PLXNA4: variants seen among roughly 807,000 people sequenced by gnomAD.
PLXNA4 encodes the protein plexin-A4.
A neutral mutation model predicts 191.8 loss-of-function variants in PLXNA4; 44 were observed. That is an observed-to-expected ratio of 0.23 (90% confidence interval 0.18 to 0.29). PLXNA4 has a LOEUF of 0.29. Ranked by LOEUF, PLXNA4 falls within the 10% of genes least tolerant of loss-of-function variation. The pLI, the probability that PLXNA4 is intolerant of heterozygous loss-of-function variation, is 1.00. For synonymous variants in PLXNA4, 1,082 were observed against 1,009.5 expected (o/e 1.07, Z -1.36); for missense variants, 1,800 against 2,488.8 (o/e 0.72, Z 5.89).
intron 9 of PLXNA4, 93 bp downstream of exon 9, chr7:132,223,434 T>C: frequency 9.0e-7 from 1 of 1,110,962 alleles, no homozygotes; most frequent in Non-Finnish European, 1.3e-6. Context: ...CTGCACAGTT[T>C]TCCTTTGGTT....
intron 14 of PLXNA4, among the ~76,000 whole-genome samples, chr7:132,192,706 C>T (rs374264571): frequency 6.6e-6 from 1 of 152,234 alleles, no homozygotes; most frequent in East Asian, 1.9e-4. Context: ...GAAATTATAC[C>T]ATTACAGCTG....
intron 25 of PLXNA4, 31 bp downstream of exon 25, chr7:132,159,442 A>G (rs1795884043): frequency 6.2e-7 from 1 of 1,611,220 alleles, no homozygotes; most frequent in East Asian, 2.2e-5. Context: ...AGCAGCCACA[A>G]GGACAGCCCC....
At chr7:132,592,807 A>G (rs991504725) in intron 2 of PLXNA4, among the ~76,000 whole-genome samples, 8 of 152,050 alleles carry the variant, frequency 5.3e-5, no homozygotes, top group Non-Finnish European at 2.9e-5. Flanking sequence ...AAGCAAGGCT[A>G]AGGCAGTTAA....
intron 30 of PLXNA4, among the ~76,000 whole-genome samples, chr7:132,133,770 T>C (rs1237491480): frequency 6.6e-6 from 1 of 152,124 alleles, no homozygotes; most frequent in Non-Finnish European, 1.5e-5. Flanking sequence ...ATTTTTAATT[T>C]CTGCAATTTG....
chr7:132,228,827 T>G (rs1281612933), intron 5 of PLXNA4, among the ~76,000 whole-genome samples: 1 of 152,234 alleles, frequency 6.6e-6, no homozygotes, highest in Non-Finnish European at 1.5e-5. Flanking sequence ...ATTTGTTTTC[T>G]TCATATAGAA....
intron 3 of PLXNA4, among the ~76,000 whole-genome samples, chr7:132,336,745 C>T (rs938086077): frequency 3.3e-5 from 5 of 152,252 alleles, no homozygotes; most frequent in Non-Finnish European, 7.3e-5. Flanking sequence ...GCTCTCTTCA[C>T]CAAAACATCT....
rs117467948 is a variant in PLXNA4, at chr7:132,548,612, G to A, written c.-87+27810C>T. Among the ~76,000 whole-genome samples, 25 of 152,296 alleles carry A rather than the reference G, an allele frequency of 1.6e-4. No individual in the cohort carries two copies. In the South Asian group the frequency reaches 2.1e-3, roughly 13 times the overall value. ...CTAAACATTCCAATAAATACCCAAC[G>A]TAGCTTTTAAACCTTAATCTGTTAT... On this transcript the variant is annotated intron_variant, in intron 1 of 31. Coordinates refer to ENST00000321063, the MANE Select transcript of PLXNA4 (RefSeq NM_020911.2).
intron 1 of PLXNA4, among the ~76,000 whole-genome samples, chr7:132,646,906 C>T (rs564944241): frequency 1.3e-5 from 2 of 152,194 alleles, no homozygotes; most frequent in South Asian, 2.1e-4. Flanking sequence ...TGCATTCACA[C>T]GTACACCAAC....
intron 1 of PLXNA4, among the ~76,000 whole-genome samples, chr7:132,518,540 A>G (rs1398187789): frequency 1.3e-5 from 2 of 152,188 alleles, no homozygotes; most frequent in East Asian, 3.9e-4. Flanking sequence ...AGAAAAGTAT[A>G]AAAGATGGGG....
At chr7:132,443,883 T>G (rs976901013) in intron 3 of PLXNA4, among the ~76,000 whole-genome samples, 1 of 152,168 alleles carries the variant, frequency 6.6e-6, no homozygotes, top group Admixed American at 6.5e-5. Context: ...AATAGACCAA[T>G]CCCATCAGTG....
intron 1 of PLXNA4, among the ~76,000 whole-genome samples, chr7:132,522,999 G>A (rs1201876707): frequency 3.3e-5 from 5 of 152,022 alleles, no homozygotes; most frequent in Admixed American, 1.3e-4. Flanking sequence ...GCAAGCTCTC[G>A]GGGGCCAAGG....
chr7:132,201,856 AATG>A (rs1225184355), intron 12 of PLXNA4, among the ~76,000 whole-genome samples: 2 of 152,178 alleles, frequency 1.3e-5, no homozygotes, highest in South Asian at 4.1e-4. Flanking sequence ...TGATTTTACC[AATG>A]ATGATGAGTG....
chr7:132,343,029 C>T (rs1430200365), intron 3 of PLXNA4, among the ~76,000 whole-genome samples: 1 of 151,364 alleles, frequency 6.6e-6, no homozygotes, highest in Non-Finnish European at 1.5e-5. Context: ...GGCAGAAGTC[C>T]CTTTCCAAGA....
intron 3 of PLXNA4, among the ~76,000 whole-genome samples, chr7:132,464,786 C>T (rs1796638201): frequency 6.6e-6 from 1 of 152,176 alleles, no homozygotes. Context: ...GTGGTGTAGG[C>T]ATTCTATGGC....
intron 5 of PLXNA4, among the ~76,000 whole-genome samples, chr7:132,229,717 G>T (rs937227367): frequency 2.6e-5 from 4 of 152,114 alleles, no homozygotes; most frequent in African/African-American, 7.2e-5. Context: ...GAACAGCCAG[G>T]GATAGGGAAT....
In PLXNA4 at chr7:132,226,196, G is replaced by A; in HGVS notation, c.1947C>T (p.Thr649=). The change falls in exon 8 of 32, where the codon ACC becomes ACT. Residue 649 remains threonine, a synonymous_variant. Transcript: ENST00000321063. The part of the protein sequence containing the change: ...SKETGMTFAS[T]SFVFYNCSVH... ...CGCTGCAATTGTAGAAGACAAAGCT[G>A]GTGCTGGCGAAGGTCATGCCGGTCT... The A allele has an allele frequency of 6.2e-7, 1 of 1,613,966 alleles. No homozygotes were observed. Among genetic ancestry groups the A allele is most frequent in the Non-Finnish European group, 8.5e-7 (1 of 1,179,946 alleles).
chr7:132,288,687 A>C (rs1800772424), intron 4 of PLXNA4, among the ~76,000 whole-genome samples: 1 of 152,164 alleles, frequency 6.6e-6, no homozygotes, highest in Non-Finnish European at 1.5e-5. Context: ...CTCGGCCCCC[A>C]CAGGGGCAGA....
intron 1 of PLXNA4, among the ~76,000 whole-genome samples, chr7:132,553,434 G>C (rs1051841905): frequency 2.0e-5 from 3 of 152,156 alleles, no homozygotes; most frequent in Admixed American, 6.5e-5. Flanking sequence ...CCCAGGGGGA[G>C]AGCTTCCTGA....
chr7:132,163,472 C>G (rs1796009313), intron 24 of PLXNA4, among the ~76,000 whole-genome samples: 1 of 152,154 alleles, frequency 6.6e-6, no homozygotes. Context: ...AGGAACCTGC[C>G]CCAATTCACC....
Sources: gnomAD v4.1 joint callset for allele counts (sites outside exome capture counted in the v4.1 genomes callset) on GRCh38, gnomAD v4.1.1 for gene constraint, MANE v1.5 for transcripts, NCBI Gene and HGNC (gene_info 2026-07-23, HGNC 2026-07-21) for gene names.